The following IL1RAPL1 variants were observed in gnomAD, a reference collection of about 807,000 sequenced individuals.
IL1RAPL1 encodes the protein interleukin-1 receptor accessory protein-like 1.
A neutral mutation model predicts 48.4 loss-of-function variants in IL1RAPL1; 3 were observed. The ratio of observed to expected loss-of-function variants is 0.06; its 90% CI spans 0.03 to 0.16. The LOEUF is 0.16. Ranked by LOEUF, IL1RAPL1 falls within the 10% of genes least tolerant of loss-of-function variation. IL1RAPL1 has a pLI of 1.00. For missense variants in IL1RAPL1, 349 were observed against 530.6 expected, an observed-to-expected ratio of 0.66 and a Z score of 3.36; for synonymous variants, 185 against 187.7, an observed-to-expected ratio of 0.99 and a Z score of 0.12.
At chrX:28,776,148 G>T (rs1320007892) in intron 1 of IL1RAPL1, among the ~76,000 whole-genome samples, 1 of 111,421 alleles carries the variant, frequency 9.0e-6, no homozygotes, top group African/African-American at 3.3e-5. Context: ...ACCTAAAAGA[G>T]CAAGATGATA....
chrX:29,019,590 A>G (rs1272086505), intron 2 of IL1RAPL1, among the ~76,000 whole-genome samples: 2 of 111,280 alleles, frequency 1.8e-5, no homozygotes, highest in African/African-American at 3.3e-5. Flanking sequence ...GTGGGGTGAC[A>G]ATGGGGATAA....
intron 5 of IL1RAPL1, among the ~76,000 whole-genome samples, chrX:29,529,348 C>CT (rs1356041312): frequency 9.0e-6 from 1 of 110,886 alleles, no homozygotes; most frequent in Non-Finnish European, 1.9e-5. Flanking sequence ...AATCCCAGCA[C>CT]TTTGGGGGTC....
At chrX:29,198,220 T>G (rs1930482545) in intron 2 of IL1RAPL1, among the ~76,000 whole-genome samples, 1 of 111,707 alleles carries the variant, frequency 9.0e-6, no homozygotes, top group Non-Finnish European at 1.9e-5. Flanking sequence ...TTGGTCACAG[T>G]AGTGCACTGC....
Position 29,477,351 on chromosome X carries a change from A to C in IL1RAPL1, c.703+78043A>C, listed in dbSNP as rs535544938. ...CTGCTATTATTAACCATCTCCTCCAATAGTTGGCATAAGAGAGGTTATACA... is the reference window on the plus strand; with the variant it reads ...CTGCTATTATTAACCATCTCCTCCACTAGTTGGCATAAGAGAGGTTATACA... On this transcript the variant is annotated intron_variant, in intron 5 of 10. Coordinates refer to ENST00000378993, the MANE Select transcript of IL1RAPL1 (RefSeq NM_014271.4). Among the ~76,000 whole-genome samples, 39 of 111,910 alleles carry C rather than the reference A, an allele frequency of 3.5e-4. No individual in the cohort carries two copies. The South Asian group carries it at 0.014, about 40-fold the overall frequency.
rs138956566 is a variant in IL1RAPL1 at position 29,557,643 on chromosome X, A to G, written c.704-110787A>G. 9.5e-3 allele frequency among the ~76,000 whole-genome samples: 1,055 copies of G among 111,281 alleles called. 10 individuals carry two copies. The highest frequency in any genetic ancestry group is 0.032 in the African/African-American group (997 of 30,681). On this transcript the variant is annotated intron_variant, in intron 5 of 10. Transcript: ENST00000378993. ...AACTTATTCATACTGCATCACTGAA[A>G]CTTTGTACACTTTGATCAACATCTC...
At chrX:29,006,208 T>A (rs1925973735) in intron 2 of IL1RAPL1, among the ~76,000 whole-genome samples, 1 of 111,038 alleles carries the variant, frequency 9.0e-6, no homozygotes, top group Non-Finnish European at 1.9e-5. Flanking sequence ...TCTTGTTACA[T>A]TTTTGTAAGT....
intron 6 of IL1RAPL1, among the ~76,000 whole-genome samples, chrX:29,785,832 A>G (rs188506312): frequency 9.9e-5 from 11 of 111,495 alleles, no homozygotes; most frequent in Admixed American, 6.7e-4. Flanking sequence ...ATGAAGACCA[A>G]GCTCTGGTGA....
At chrX:29,511,587 C>G (rs529008830) in intron 5 of IL1RAPL1, among the ~76,000 whole-genome samples, 2 of 111,815 alleles carry the variant, frequency 1.8e-5, no homozygotes, top group South Asian at 7.4e-4. Context: ...GTTTTTGTAA[C>G]ATTGGTGTTT....
At chrX:29,845,648 A>C (rs773696674) in intron 6 of IL1RAPL1, among the ~76,000 whole-genome samples, 1 of 110,902 alleles carries the variant, frequency 9.0e-6, no homozygotes, top group African/African-American at 3.3e-5. Context: ...AACAAAATAT[A>C]TTGGTTCCTC....
Position 29,430,591 on chromosome X carries a change from A to ATG in IL1RAPL1, c.703+31284_703+31285insGT, listed in dbSNP as rs1276102769. On this transcript the variant is annotated intron_variant, in intron 5 of 10. Transcript: ENST00000378993. The stretch of plus-strand genomic sequence containing the variant: ...ACACTTTATATATGTGTATATATAT[A>ATG]TATGTGTGTGTGTGTGTGTGTGTGT... Among the ~76,000 whole-genome samples, 12 of 106,800 alleles carry ATG rather than the reference A, an allele frequency of 1.1e-4. No homozygotes were observed. The South Asian group carries it at 1.6e-3, about 15-fold the overall frequency. 92.7% of individuals were successfully genotyped at this position (106,800 alleles called of 115,157 possible).
rs113974690 is a variant in IL1RAPL1 at position 28,980,801 on chromosome X, T to C, written c.82+191376T>C. On this transcript the variant is annotated intron_variant, in intron 2 of 10. Transcript: ENST00000378993. Reference sequence around the variant, plus strand: ...GTATCTCAAATCTGATAAAATATTATGCTTAGGTCAGACACGGTTGCTCAC... The same window carrying C: ...GTATCTCAAATCTGATAAAATATTACGCTTAGGTCAGACACGGTTGCTCAC... Among the ~76,000 whole-genome samples the C allele has an allele frequency of 1.7e-3, 191 of 109,881 alleles. 1 individual carries two copies. Among genetic ancestry groups the C allele is most frequent in the Middle Eastern group, 9.4e-3 (2 of 212 alleles).
intron 1 of IL1RAPL1, chrX:28,659,499 T>C (rs1601849827): frequency 2.1e-6 from 1 of 478,612 alleles, no homozygotes; most frequent in East Asian, 3.9e-5. Flanking sequence ...TTAACCACCC[T>C]TCTCCTTCGG....
chrX:29,905,358 CTTTAG>C (rs1340054053), intron 6 of IL1RAPL1, among the ~76,000 whole-genome samples: 26 of 111,530 alleles, frequency 2.3e-4, no homozygotes, highest in African/African-American at 7.8e-4. Flanking sequence ...TGCAGAAGCT[CTTTAG>C]TTTAATTAGA....
At chrX:29,182,252 C>T (rs747456663) in intron 2 of IL1RAPL1, among the ~76,000 whole-genome samples, 1 of 111,736 alleles carries the variant, frequency 8.9e-6, no homozygotes, top group Admixed American at 9.6e-5. Context: ...AACAGAAAAA[C>T]TGAATCTGGC....
At chrX:29,294,319 G>A (rs994802818) in intron 3 of IL1RAPL1, among the ~76,000 whole-genome samples, 4 of 109,448 alleles carry the variant, frequency 3.7e-5, no homozygotes, top group African/African-American at 1.3e-4. Flanking sequence ...ACGAGGTCGG[G>A]AGATCGAGAC....
At chrX:28,635,348 T>TAA (rs774017998) in intron 1 of IL1RAPL1, among the ~76,000 whole-genome samples, 5 of 111,844 alleles carry the variant, frequency 4.5e-5, no homozygotes, top group African/African-American at 6.5e-5. Flanking sequence ...ATCAATGACT[T>TAA]ACGATGATTT....
At chrX:29,947,880 G>T (rs1306466870) in intron 9 of IL1RAPL1, among the ~76,000 whole-genome samples, 1 of 109,433 alleles carries the variant, frequency 9.1e-6, no homozygotes, top group Non-Finnish European at 1.9e-5. Flanking sequence ...GTTGTTCTGG[G>T]TATATGACTT....
chrX:29,584,384 C>G (rs952781928), intron 5 of IL1RAPL1, among the ~76,000 whole-genome samples: 1 of 111,310 alleles, frequency 9.0e-6, no homozygotes, highest in Non-Finnish European at 1.9e-5. Context: ...TTATATTTAA[C>G]TCCTTATTAT....
chrX:29,805,443 G>T (rs893876884), intron 6 of IL1RAPL1, among the ~76,000 whole-genome samples: 3 of 109,844 alleles, frequency 2.7e-5, no homozygotes, highest in Admixed American at 2.0e-4. Flanking sequence ...ACTCCAGTTT[G>T]GAATCTGTCT....
Sources: gnomAD v4.1 joint callset for allele counts (sites outside exome capture counted in the v4.1 genomes callset) on GRCh38, gnomAD v4.1.1 for gene constraint, MANE v1.5 for transcripts, NCBI Gene and HGNC (gene_info 2026-07-23, HGNC 2026-07-21) for gene names.